ASCC3: variants seen among roughly 807,000 people sequenced by gnomAD.
ASCC3 encodes the protein ASC-1 complex subunit P200.
Under a neutral mutation model 256.3 loss-of-function variants are expected in ASCC3, and 158 were observed. That is an observed-to-expected ratio of 0.62 (90% confidence interval 0.54 to 0.70). ASCC3 has a LOEUF of 0.70. ASCC3 is among the 30% of genes least tolerant of loss of function. The pLI, the probability that ASCC3 is intolerant of heterozygous loss-of-function variation, is 0.00. For missense variants in ASCC3, 2,259 were observed against 2,626.0 expected (o/e 0.86, Z 3.05); for synonymous variants, 948 against 883.4 (o/e 1.07, Z -1.30).
intron 4 of ASCC3, among the ~76,000 whole-genome samples, chr6:100,825,239 A>G (rs1771239898): frequency 6.6e-6 from 1 of 151,368 alleles, no homozygotes; most frequent in Non-Finnish European, 1.5e-5. Flanking sequence ...ACAAATTAGT[A>G]AACTTTCTTA....
At chr6:100,521,146 CA>C (rs1774283710) in intron 37 of ASCC3, among the ~76,000 whole-genome samples, 1 of 152,038 alleles carries the variant, frequency 6.6e-6, no homozygotes, top group Admixed American at 6.6e-5. Context: ...GAGAAAAAAA[CA>C]AGTTTTAATG....
At chr6:100,557,347 T>C (rs1454242001) in intron 36 of ASCC3, among the ~76,000 whole-genome samples, 1 of 152,182 alleles carries the variant, frequency 6.6e-6, no homozygotes, top group Non-Finnish European at 1.5e-5. Flanking sequence ...TGTGCTTTTA[T>C]TTGAAAGTAT....
At chr6:100,793,980 ATTC>A (rs1769478137) in intron 8 of ASCC3, among the ~76,000 whole-genome samples, 1 of 151,986 alleles carries the variant, frequency 6.6e-6, no homozygotes, top group South Asian at 2.1e-4. Flanking sequence ...CTCATTCTAA[ATTC>A]TTCTCTCTGC....
intron 13 of ASCC3, among the ~76,000 whole-genome samples, chr6:100,708,305 G>C (rs1359125482): frequency 2.0e-5 from 3 of 151,964 alleles, no homozygotes; most frequent in Non-Finnish European, 4.4e-5. Context: ...TTTATTATTT[G>C]AGTTTAAATG....
intron 36 of ASCC3, among the ~76,000 whole-genome samples, chr6:100,568,729 T>C (rs1386997319): frequency 6.7e-6 from 1 of 149,026 alleles, no homozygotes. Context: ...TTTGCTGCAA[T>C]TGCTTTTGAG....
At chr6:100,826,233 G>A (rs1582922484) in intron 4 of ASCC3, among the ~76,000 whole-genome samples, 2 of 151,964 alleles carry the variant, frequency 1.3e-5, no homozygotes, top group African/African-American at 2.4e-5. Flanking sequence ...CCGGATTCAA[G>A]CAATTCTCCT....
chr6:100,690,226 T>C lies in ASCC3; in HGVS notation c.2152-10474A>G, dbSNP rs77712553. On this transcript the variant is annotated intron_variant, in intron 13 of 41. Transcript: ENST00000369162. The stretch of plus-strand genomic sequence containing the variant: ...TAATACAATGTAAATGCTTTGTAGA[T>C]TGTTATTATACTGTATTGTTTAGGG... 0.013 allele frequency among the ~76,000 whole-genome samples: 1,948 copies of C among 152,260 alleles called. 99 individuals are homozygous for C. The East Asian group carries it at 0.15, about 11-fold the overall frequency.
intron 8 of ASCC3, among the ~76,000 whole-genome samples, chr6:100,782,786 C>T (rs1336248): frequency 0.94 from 142,907 of 151,956 alleles, 67,513 homozygotes; most frequent in South Asian, 0.99. Context: ...AAAAAGCAAG[C>T]TGCAGAATAG....
intron 3 of ASCC3, among the ~76,000 whole-genome samples, chr6:100,855,930 C>G (rs538193569): frequency 6.6e-6 from 1 of 152,254 alleles, no homozygotes; most frequent in East Asian, 1.9e-4. Context: ...ACTGACAGAA[C>G]TGAATTTGTA....
At chr6:100,510,153 C>G (rs1489309019) in intron 40 of ASCC3, 46 bp from the exon 41 acceptor site, 1 of 1,603,630 alleles carries the variant, frequency 6.2e-7, no homozygotes, top group East Asian at 2.2e-5. Context: ...ATCTAGACTT[C>G]CTATACCACT....
chr6:100,618,536 G>T (rs746319937), intron 30 of ASCC3, among the ~76,000 whole-genome samples: 1 of 152,186 alleles, frequency 6.6e-6, no homozygotes, highest in Admixed American at 6.5e-5. Flanking sequence ...TTATGCAATA[G>T]GTTATGTACT....
At chr6:100,511,757 A>G (rs1300832960) in intron 40 of ASCC3, among the ~76,000 whole-genome samples, 1 of 152,204 alleles carries the variant, frequency 6.6e-6, no homozygotes, top group Non-Finnish European at 1.5e-5. Context: ...CCAGAGGCCA[A>G]TCAGTTAATA....
At chr6:100,722,616 G>GTAA (rs1779395569) in intron 11 of ASCC3, among the ~76,000 whole-genome samples, 1 of 151,714 alleles carries the variant, frequency 6.6e-6, no homozygotes, top group Non-Finnish European at 1.5e-5. Flanking sequence ...TGGTACATGT[G>GTAA]TAAGTGTTTA....
intron 4 of ASCC3, among the ~76,000 whole-genome samples, chr6:100,808,991 T>C (rs1385249574): frequency 6.6e-6 from 1 of 151,794 alleles, no homozygotes; most frequent in Non-Finnish European, 1.5e-5. Flanking sequence ...GTACAAAAGA[T>C]AAAAAATGGT....
intron 10 of ASCC3, among the ~76,000 whole-genome samples, chr6:100,765,950 T>C (rs1162596521): frequency 6.6e-6 from 1 of 152,202 alleles, no homozygotes; most frequent in Admixed American, 6.5e-5. Context: ...AAAAACACAA[T>C]GAACTTCACC....
At chr6:100,767,002 T>C in intron 9 of ASCC3, 143 bp downstream of exon 9, 1 of 900,182 alleles carries the variant, frequency 1.1e-6, no homozygotes, top group Non-Finnish European at 1.7e-6. Context: ...GCCTTAATAG[T>C]AATGAAGTAA....
rs1384561253 is a variant in ASCC3, at chr6:100,540,056, C to T, written c.5775+107G>A. On this transcript the variant is annotated intron_variant, in intron 37 of 41. Transcript: ENST00000369162. ...ATCAACCAGTTGTTTCTCAACAATG[C>T]TACCATAAAGTTGTTAAATGCAAGT... 24 of 977,716 alleles carry T rather than the reference C, an allele frequency of 2.5e-5. No individual in the cohort carries two copies. The Admixed American group carries it at 3.6e-4, about 15-fold the overall frequency. 60.6% of individuals were successfully genotyped at this position (977,716 alleles called of 1,614,324 possible).
rs375891799 is a variant in ASCC3, at chr6:100,678,392, C to A, written c.2286+1226G>T. The stretch of plus-strand genomic sequence containing the variant: ...AGGACACAAAACTGTACAATCTGTA[C>A]AATAAGTGTTAGGTAATAAAAGTAA... On this transcript the variant is annotated intron_variant, in intron 14 of 41. Coordinates refer to ENST00000369162, the MANE Select transcript of ASCC3 (RefSeq NM_006828.4). Among the ~76,000 whole-genome samples the A allele has an allele frequency of 2.0e-5, 3 of 151,754 alleles. No individual in the cohort carries two copies. The South Asian group carries it at 6.3e-4, about 32-fold the overall frequency.
At chr6:100,753,637 C>T (rs1483898701) in intron 10 of ASCC3, among the ~76,000 whole-genome samples, 2 of 151,968 alleles carry the variant, frequency 1.3e-5, no homozygotes, top group Admixed American at 1.3e-4. Context: ...CTTAGCCACT[C>T]GAGTAGTTGG....
Sources: gnomAD v4.1 joint callset for allele counts (sites outside exome capture counted in the v4.1 genomes callset) on GRCh38, gnomAD v4.1.1 for gene constraint, MANE v1.5 for transcripts, NCBI Gene and HGNC (gene_info 2026-07-23, HGNC 2026-07-21) for gene names.